The following NPAS3 variants were observed in gnomAD, a reference collection of about 807,000 sequenced individuals.
The protein encoded by NPAS3 is neuronal PAS domain protein 3, also known as neuronal PAS domain-containing protein 3.
A neutral mutation model predicts 73.1 loss-of-function variants in NPAS3; 14 were observed. That is an observed-to-expected ratio of 0.19 (90% confidence interval 0.13 to 0.30). The LOEUF (loss-of-function observed/expected upper bound fraction) is 0.30. NPAS3 is among the 10% of genes least tolerant of loss of function. The pLI is 1.00. For missense variants in NPAS3, 1,096 were observed against 1,250.0 expected (o/e 0.88, Z 1.86); for synonymous variants, 620 against 541.5 (o/e 1.14, Z -2.01).
chr14:33,052,485 A>C (rs1020451969), intron 1 of NPAS3, among the ~76,000 whole-genome samples: 1 of 152,258 alleles, frequency 6.6e-6, no homozygotes, highest in Admixed American at 6.5e-5. Context: ...AAAACAATAC[A>C]TTAAGAAAAA....
chr14:33,246,638 T>A (rs1469933200), intron 3 of NPAS3, among the ~76,000 whole-genome samples: 2 of 150,786 alleles, frequency 1.3e-5, no homozygotes, highest in Non-Finnish European at 3.0e-5. Flanking sequence ...TTGAAGTTGG[T>A]CTGACAAAGT....
At chr14:33,517,428 A>C (rs1274839219) in intron 4 of NPAS3, among the ~76,000 whole-genome samples, 2 of 152,136 alleles carry the variant, frequency 1.3e-5, no homozygotes, top group African/African-American at 4.8e-5. Flanking sequence ...AGATCTTTGC[A>C]ACATCCTGGA....
At chr14:33,576,368 G>C (rs780513897) in intron 5 of NPAS3, among the ~76,000 whole-genome samples, 7 of 152,068 alleles carry the variant, frequency 4.6e-5, no homozygotes, top group Non-Finnish European at 1.0e-4. Flanking sequence ...CCCAAACTAC[G>C]GACTGTAATT....
intron 4 of NPAS3, among the ~76,000 whole-genome samples, chr14:33,522,809 G>T (rs1191423166): frequency 1.3e-5 from 2 of 152,254 alleles, no homozygotes; most frequent in Non-Finnish European, 2.9e-5. Flanking sequence ...TTTTGTGCTT[G>T]CTGAGGTAAA....
intron 3 of NPAS3, among the ~76,000 whole-genome samples, chr14:33,350,594 A>G (rs1242075825): frequency 1.3e-5 from 2 of 152,260 alleles, no homozygotes; most frequent in Non-Finnish European, 2.9e-5. Flanking sequence ...CACTGAAGAG[A>G]CAGCTGTAAC....
intron 4 of NPAS3, among the ~76,000 whole-genome samples, chr14:33,451,281 A>T (rs1482450946): frequency 6.6e-6 from 1 of 152,198 alleles, no homozygotes; most frequent in Non-Finnish European, 1.5e-5. Flanking sequence ...AATACGGTAC[A>T]GTGGTTAAAA....
intron 4 of NPAS3, among the ~76,000 whole-genome samples, chr14:33,504,789 A>G (rs891130805): frequency 3.3e-5 from 5 of 152,054 alleles, no homozygotes; most frequent in African/African-American, 1.2e-4. Flanking sequence ...GAAGTTACAG[A>G]CAAGTAAATT....
chr14:33,197,015 T>C (rs1280565206), intron 2 of NPAS3, among the ~76,000 whole-genome samples: 2 of 152,154 alleles, frequency 1.3e-5, no homozygotes, highest in African/African-American at 2.4e-5. Flanking sequence ...AAAAAAAAGT[T>C]CCAAAAAGGC....
intron 3 of NPAS3, among the ~76,000 whole-genome samples, chr14:33,305,712 A>G (rs983653715): frequency 6.6e-6 from 1 of 152,190 alleles, no homozygotes; most frequent in African/African-American, 2.4e-5. Flanking sequence ...GAATGGCTAA[A>G]TAGTCTACCA....
At position 33,632,024 on chromosome 14, in the gene NPAS3, T is replaced by C. The variant is rs140366198; in HGVS notation, c.559-44187T>C. Among the ~76,000 whole-genome samples, 539 of 152,358 alleles carry C rather than the reference T, an allele frequency of 3.5e-3. 3 individuals are homozygous for C. Among genetic ancestry groups the C allele is most frequent in the Non-Finnish European group, 5.8e-3 (394 of 68,032 alleles). ...TCGAATATGATCTGAGACCTTGGCATAGACATTATCTCTTATGACGATTTC... is the reference window on the plus strand; with the variant it reads ...TCGAATATGATCTGAGACCTTGGCACAGACATTATCTCTTATGACGATTTC... On this transcript the variant is annotated intron_variant, in intron 5 of 11. Coordinates refer to ENST00000356141, the Ensembl canonical transcript of NPAS3.
At chr14:33,802,503 C>G (rs2063741344), downstream of NPAS3, 1 of 151,880 alleles carries the variant, frequency 6.6e-6, no homozygotes, top group Non-Finnish European at 1.5e-5. Context: ...TCTTCTTCCA[C>G]TTCATTTTTG....
At chr14:33,444,269 T>G (rs1312683758) in intron 4 of NPAS3, among the ~76,000 whole-genome samples, 1 of 152,200 alleles carries the variant, frequency 6.6e-6, no homozygotes, top group East Asian at 1.9e-4. Context: ...TTAAGGTTCT[T>G]GTCTATACCT....
intron 5 of NPAS3, among the ~76,000 whole-genome samples, chr14:33,615,568 G>T (rs891558972): frequency 2.6e-5 from 4 of 152,202 alleles, no homozygotes; most frequent in African/African-American, 9.7e-5. Flanking sequence ...GGAGTACCAT[G>T]AACAGAAATA....
At chr14:33,331,486 A>G (rs1468759961) in intron 3 of NPAS3, among the ~76,000 whole-genome samples, 3 of 152,112 alleles carry the variant, frequency 2.0e-5, no homozygotes, top group African/African-American at 7.2e-5. Context: ...ACTATATACC[A>G]AATTGGCCTA....
At chr14:33,139,926 A>G (rs763783819) in intron 2 of NPAS3, among the ~76,000 whole-genome samples, 3 of 140,860 alleles carry the variant, frequency 2.1e-5, no homozygotes, top group Non-Finnish European at 3.1e-5. Flanking sequence ...CCAGTCCTAT[A>G]ATATTCTGCC....
rs530398651 is a variant in NPAS3 at position 33,535,887 on chromosome 14, A to T, written c.469-24234A>T. On this transcript the variant is annotated intron_variant, in intron 4 of 11. Transcript: ENST00000356141. Reference sequence around the variant, plus strand: ...TTTTCTATCAGCATTGATGGATTTAAACTGACCCAGCCACGCTCTCTGCCC... The same window carrying T: ...TTTTCTATCAGCATTGATGGATTTATACTGACCCAGCCACGCTCTCTGCCC... Among the ~76,000 whole-genome samples, 18 of 152,240 alleles carry T rather than the reference A, an allele frequency of 1.2e-4. No homozygotes were observed. The East Asian group carries it at 3.5e-3, about 29-fold the overall frequency.
At chr14:33,388,272 C>T (rs2046854269) in intron 4 of NPAS3, among the ~76,000 whole-genome samples, 1 of 152,040 alleles carries the variant, frequency 6.6e-6, no homozygotes, top group Admixed American at 6.5e-5. Flanking sequence ...GAGCTATTAA[C>T]AAGTAAAACA....
intron 2 of NPAS3, among the ~76,000 whole-genome samples, chr14:33,071,265 A>C (rs1309073781): frequency 6.6e-6 from 1 of 152,214 alleles, no homozygotes; most frequent in Non-Finnish European, 1.5e-5. Context: ...ATGAGGTTGC[A>C]TGGAAAAGAA....
intron 2 of NPAS3, among the ~76,000 whole-genome samples, chr14:33,168,059 T>C (rs1376761410): frequency 6.6e-6 from 1 of 152,212 alleles, no homozygotes; most frequent in Non-Finnish European, 1.5e-5. Flanking sequence ...CTTTTCCTTA[T>C]GTGTTACTTT....
Sources: allele counts gnomAD v4.1 joint callset (sites outside exome capture counted in the v4.1 genomes callset), GRCh38; gene constraint gnomAD v4.1.1; transcripts MANE v1.5; gene names NCBI Gene and HGNC (gene_info 2026-07-23, HGNC 2026-07-21).